Variants in PIK3R6 observed in about 807,000 individuals in gnomAD.
The protein encoded by PIK3R6 is phosphoinositide-3-kinase regulatory subunit 6.
Under a neutral mutation model 84.9 loss-of-function variants are expected in PIK3R6, and 91 were observed. The observed-to-expected ratio is 1.07, with a 90% CI of 0.90 to 1.28. The LOEUF is 1.28. Ranked by LOEUF, PIK3R6 falls within the 50% of genes most tolerant of loss-of-function variation. The pLI, the probability that PIK3R6 is intolerant of heterozygous loss-of-function variation, is 0.00. For missense variants in PIK3R6, 996 were observed against 985.1 expected (o/e 1.01, Z -0.15); for synonymous variants, 416 against 411.4 (o/e 1.01, Z -0.13).
chr17:8,837,893 G>C, intron 4 of PIK3R6, 22 bp from the exon 5 acceptor site: 1 of 1,606,208 alleles, frequency 6.2e-7, no homozygotes, highest in South Asian at 1.1e-5. Flanking sequence ...GAGATCACGT[G>C]ACAGGTATTG....
At chr17:8,855,440 G>C (rs954295662) in intron 1 of PIK3R6, among the ~76,000 whole-genome samples, 2 of 152,064 alleles carry the variant, frequency 1.3e-5, no homozygotes, top group Non-Finnish European at 2.9e-5. Flanking sequence ...TATGTGGATG[G>C]CAAATAAACA....
intron 9 of PIK3R6, among the ~76,000 whole-genome samples, 191 bp downstream of exon 9, chr17:8,832,698 C>T (rs2088290307): frequency 6.6e-6 from 1 of 152,116 alleles, no homozygotes; most frequent in African/African-American, 2.4e-5. Context: ...GCCACCGCTC[C>T]CAGCCTAATT....
Position 8,862,360 on chromosome 17 carries a change from C to T in PIK3R6, c.-92+5169G>A, listed in dbSNP as rs1237140112. Among the ~76,000 whole-genome samples the T allele has an allele frequency of 6.6e-6, 1 of 152,214 alleles. No homozygotes were observed. The highest frequency in any genetic ancestry group is 2.4e-5 in the African/African-American group (1 of 41,452). The stretch of plus-strand genomic sequence containing the variant: ...CTCATATGAAGACAAGGCAGAGTCA[C>T]TGTCCCAAAGCTACTCTTGGGCTGG... On this transcript the variant is annotated intron_variant, in intron 1 of 19. Coordinates refer to ENST00000619866, the MANE Select transcript of PIK3R6 (RefSeq NM_001010855.4). The surrounding 1 kb of genome is among the most constrained non-coding windows in gnomAD (Gnocchi z 4.3).
At chr17:8,829,369 C>T (rs1017353347) in intron 10 of PIK3R6, among the ~76,000 whole-genome samples, 7 of 147,630 alleles carry the variant, frequency 4.7e-5, no homozygotes, top group Admixed American at 4.7e-4. Flanking sequence ...CACACACATG[C>T]ATGGATACAC....
At chr17:8,804,907 G>C (rs1006818767) in intron 18 of PIK3R6, among the ~76,000 whole-genome samples, 2 of 152,238 alleles carry the variant, frequency 1.3e-5, no homozygotes, top group Admixed American at 1.3e-4. Flanking sequence ...ACATAATGTT[G>C]GAGATTCTGA....
rs1463278928 is a variant in PIK3R6, at chr17:8,849,771, A to C, written c.13+11T>G. The C allele has an allele frequency of 6.2e-7, 1 of 1,610,688 alleles. No homozygotes were observed. On this transcript the variant is annotated intron_variant, in intron 2 of 19. Transcript: ENST00000619866. ...AGGCTCACTAGACCCCTTTCCCCCC[A>C]CCACACTGACCTGAGCTCTCCATGG...
At chr17:8,819,889 C>T (rs889636477) in intron 17 of PIK3R6, among the ~76,000 whole-genome samples, 40 of 144,038 alleles carry the variant, frequency 2.8e-4, no homozygotes, top group South Asian at 4.3e-4. Flanking sequence ...TACACACACA[C>T]GTATATATGT....
chr17:8,867,549 T>G lies in PIK3R6; in HGVS notation c.-112A>C. 2.0e-6 allele frequency: 1 copy of G among 492,850 alleles called. No homozygotes were observed. Among genetic ancestry groups the G allele is most frequent in the South Asian group, 1.5e-5 (1 of 67,896 alleles). The allele number at this position is 492,850 out of a possible 1,614,324, so 30.5% of individuals were successfully genotyped here. ...CTTACCTTGGTTCGGTGGCAGCTTC[T>G]GGGCTCCCCAAGTCCTTCAGCCAAC... On this transcript the variant is annotated 5_prime_UTR_variant, in exon 1 of 20. Coordinates refer to ENST00000619866, the MANE Select transcript of PIK3R6 (RefSeq NM_001010855.4).
rs902631831 is a variant in PIK3R6, at chr17:8,820,982, T to C, written c.1879+864A>G. The stretch of plus-strand genomic sequence containing the variant: ...TCCATTTTTAAAACAAATTTTTGAA[T>C]GTAAAGTAGCATTTCATTTATTCTA... On this transcript the variant is annotated intron_variant, in intron 17 of 19. Transcript: ENST00000619866. 2.0e-5 allele frequency among the ~76,000 whole-genome samples: 3 copies of C among 152,240 alleles called. No individual in the cohort carries two copies. In the South Asian group the frequency reaches 6.2e-4, roughly 32 times the overall value.
At chr17:8,821,705 GA>G in intron 17 of PIK3R6, 140 bp downstream of exon 17, 1 of 890,826 alleles carries the variant, frequency 1.1e-6, no homozygotes, top group Non-Finnish European at 1.7e-6. Flanking sequence ...CAAGCAACTT[GA>G]AGGCAGTCAC....
chr17:8,803,408 T>G lies in PIK3R6; in HGVS notation c.2130A>C (p.Pro710=), dbSNP rs766633821. The G allele has an allele frequency of 1.2e-6, 2 of 1,610,194 alleles. No individual in the cohort carries two copies. The highest frequency in any genetic ancestry group is 1.7e-6 in the Non-Finnish European group (2 of 1,178,142). The part of the protein sequence containing the change: ...DVVRFEVAPC[P]EPCSGAQKSK... ...ACTTCTGGGCCCCAGAACATGGTTC[T>G]GGGCAGGGAGCAACCTCGAATCTGT... Residue 710 remains proline (P), a synonymous_variant, in exon 20 of 20, where the codon CCA becomes CCC. Transcript: ENST00000619866. The surrounding 1 kb of genome is among the most constrained non-coding windows in gnomAD (Gnocchi z 5.0).
intron 18 of PIK3R6, among the ~76,000 whole-genome samples, chr17:8,809,626 C>T (rs2087297443): frequency 6.6e-6 from 1 of 152,102 alleles, no homozygotes; most frequent in Admixed American, 6.6e-5. Flanking sequence ...GAAACCTCTT[C>T]TCTACAAAAA....
intron 1 of PIK3R6, among the ~76,000 whole-genome samples, chr17:8,860,845 C>T (rs1456020104): frequency 6.6e-6 from 1 of 152,052 alleles, no homozygotes; most frequent in Admixed American, 6.5e-5. Context: ...CAGTGCCAGG[C>T]ACACCACACC....
intron 8 of PIK3R6, among the ~76,000 whole-genome samples, chr17:8,833,541 C>CTTTTT (rs3884448): frequency 3.8e-5 from 5 of 130,798 alleles, no homozygotes; most frequent in Non-Finnish European, 6.5e-5. Context: ...GAGAAAGTGA[C>CTTTTT]TTTTTTTTTT....
At position 8,862,923 on chromosome 17, in the gene PIK3R6, C is replaced by T. The variant is rs1050625953; in HGVS notation, c.-92+4606G>A. Among the ~76,000 whole-genome samples the T allele has an allele frequency of 1.4e-4, 21 of 152,190 alleles. No homozygotes were observed. The highest frequency in any genetic ancestry group is 1.1e-3 in the Admixed American group (17 of 15,272). ...ACTTACACTGCCCACAGCATTCACT[C>T]ATGGTTTCACTTATTCCATAGTTCC... is the stretch of plus-strand genomic sequence containing the variant. On this transcript the variant is annotated intron_variant, in intron 1 of 19. Coordinates refer to ENST00000619866, the MANE Select transcript of PIK3R6 (RefSeq NM_001010855.4). This position sits in a 1 kb window ranked among gnomAD's most constrained non-coding sequence, Gnocchi z 4.3.
Position 8,803,771 on chromosome 17 carries a change from G to C in PIK3R6, c.2108+270C>G. On this transcript the variant is annotated intron_variant, in intron 19 of 19. Coordinates refer to ENST00000619866, the MANE Select transcript of PIK3R6 (RefSeq NM_001010855.4). This position sits in a 1 kb window ranked among gnomAD's most constrained non-coding sequence, Gnocchi z 5.0. ...CGTGCCTGCAGAGGGGACTGGATCA[G>C]GAGGCTGCAGGCTGAGTGTATGCAG... The C allele has an allele frequency of 1.8e-6, 1 of 571,138 alleles. No homozygotes were observed. The highest frequency in any genetic ancestry group is 3.1e-6 in the Non-Finnish European group (1 of 319,502). The allele number at this position is 571,138 out of a possible 1,614,324, so 35.4% of individuals were successfully genotyped here. A position where few individuals can be genotyped will look rare whatever the true frequency, so the allele number is the denominator to read the frequency against.
At chr17:8,851,916 A>G (rs991126246) in intron 1 of PIK3R6, among the ~76,000 whole-genome samples, 2 of 152,256 alleles carry the variant, frequency 1.3e-5, no homozygotes, top group African/African-American at 4.8e-5. Context: ...TGATTTATAC[A>G]TAGAGTGGAA....
rs775760166 is a variant in PIK3R6 at position 8,804,118 on chromosome 17, C to A, written c.2031G>T (p.Gln677His). ...GCAGCCTCTGGTCCCGGCTCTGGAT[C>A]TGGATATTGTTCGTCCTGAAGGTGT... ...VTNTFRTNNI[Q>H]IQSRDQRLLT... The change falls in exon 19 of 20, where the codon CAG (glutamine) becomes CAT (histidine). Residue 677 changes from glutamine (Q) to histidine (H), a missense_variant. Transcript: ENST00000619866. 2.5e-6 allele frequency: 4 copies of A among 1,613,904 alleles called. No homozygotes were observed. In the African/African-American group the frequency reaches 5.3e-5, roughly 22 times the overall value.
At chr17:8,857,098 G>A (rs1189613186) in intron 1 of PIK3R6, among the ~76,000 whole-genome samples, 1 of 151,508 alleles carries the variant, frequency 6.6e-6, no homozygotes, top group Non-Finnish European at 1.5e-5. Context: ...AGCCCTCCCT[G>A]TCACACTCTA....
Sources: allele counts gnomAD v4.1 joint callset (sites outside exome capture counted in the v4.1 genomes callset), GRCh38; gene constraint gnomAD v4.1.1; non-coding constraint Gnocchi (gnomAD v3.1); transcripts MANE v1.5; gene names NCBI Gene and HGNC (gene_info 2026-07-23, HGNC 2026-07-21).